The following RBM26 variants were observed in gnomAD, a reference collection of about 807,000 sequenced individuals.
RBM26 encodes RNA binding motif protein 26.
A neutral mutation model predicts 123.6 loss-of-function variants in RBM26; 30 were observed. The ratio of observed to expected loss-of-function variants is 0.24; its 90% CI spans 0.18 to 0.33. The LOEUF (loss-of-function observed/expected upper bound fraction) is 0.33, where lower values mean the gene tolerates loss of function less well. Ranked by LOEUF, RBM26 falls within the 10% of genes least tolerant of loss-of-function variation. RBM26 has a pLI of 1.00. For synonymous variants in RBM26, 400 were observed against 404.4 expected, an observed-to-expected ratio of 0.99 and a Z score of 0.13; for missense variants, 947 against 1,203.6, an observed-to-expected ratio of 0.79 and a Z score of 3.15.
intron 20 of RBM26, among the ~76,000 whole-genome samples, chr13:79,326,757 A>AC (rs1353225279): frequency 6.6e-6 from 1 of 152,176 alleles, no homozygotes; most frequent in African/African-American, 2.4e-5. Flanking sequence ...CTTTCCAATG[A>AC]CAGGTAATAG....
intron 1 of RBM26, among the ~76,000 whole-genome samples, chr13:79,381,783 T>C (rs897871666): frequency 1.3e-5 from 2 of 152,058 alleles, no homozygotes; most frequent in African/African-American, 4.8e-5. Flanking sequence ...CAACATCTTC[T>C]GTAGAAGCAA....
chr13:79,325,259 G>C (rs981606967), intron 20 of RBM26, among the ~76,000 whole-genome samples: 1 of 151,872 alleles, frequency 6.6e-6, no homozygotes, highest in African/African-American at 2.4e-5. Context: ...TTTTTTTTAA[G>C]TTAATTATAA....
At chr13:79,404,648 C>CTCTT (rs1259114705) in intron 1 of RBM26, among the ~76,000 whole-genome samples, 2 of 152,154 alleles carry the variant, frequency 1.3e-5, no homozygotes, top group African/African-American at 2.4e-5. Context: ...CTTTCATTTG[C>CTCTT]TCTTCCTTTT....
At position 79,377,475 on chromosome 13, in the gene RBM26, A is replaced by G. The variant is rs2076745783; in HGVS notation, c.231T>C (p.Asn77=). 3 of 1,612,776 alleles carry G rather than the reference A, an allele frequency of 1.9e-6. No homozygotes were observed. Among genetic ancestry groups the G allele is most frequent in the East Asian group, 2.2e-5 (1 of 44,860 alleles). ...CTGGAGGAGGTAGGTAACTCTTTGTATTCACAGCATCAAAAAGTTTTTCCA... is the reference window on the plus strand; with the variant it reads ...CTGGAGGAGGTAGGTAACTCTTTGTGTTCACAGCATCAAAAAGTTTTTCCA... ...IFVEKLFDAV[N]TKSYLPPPEQ... The change falls in exon 3 of 22, where the codon AAT becomes AAC. Residue 77 remains asparagine, a synonymous_variant. Coordinates refer to ENST00000438737, the MANE Select transcript of RBM26 (RefSeq NM_001366735.2).
intron 18 of RBM26, among the ~76,000 whole-genome samples, chr13:79,339,203 T>G (rs575409079): frequency 4.8e-4 from 73 of 152,272 alleles, no homozygotes; most frequent in African/African-American, 1.7e-3. Flanking sequence ...ACATGGAATC[T>G]AAAACAATCA....
In RBM26 at chr13:79,327,905, A is replaced by G. The variant is rs377046666; in HGVS notation, c.2821-5443T>C. On this transcript the variant is annotated intron_variant, in intron 20 of 21. Coordinates refer to ENST00000438737, the MANE Select transcript of RBM26 (RefSeq NM_001366735.2). ...GCAATATACTCATTAACAAACGTGCATGTGTACTCCCTGAATCTAAAAATT... is the reference window on the plus strand; with the variant it reads ...GCAATATACTCATTAACAAACGTGCGTGTGTACTCCCTGAATCTAAAAATT... Among the ~76,000 whole-genome samples, 49 of 152,224 alleles carry G rather than the reference A, an allele frequency of 3.2e-4. 1 individual carries two copies. The highest frequency in any genetic ancestry group is 1.3e-3 in the Admixed American group (20 of 15,274).
At chr13:79,395,082 T>C (rs1354938151) in intron 1 of RBM26, among the ~76,000 whole-genome samples, 5 of 152,210 alleles carry the variant, frequency 3.3e-5, no homozygotes, top group Admixed American at 1.3e-4. Flanking sequence ...AAAAAAGGCA[T>C]GCCCCCTTAC....
chr13:79,334,230 C>T, intron 20 of RBM26, 114 bp downstream of exon 20: 1 of 589,834 alleles, frequency 1.7e-6, no homozygotes, highest in African/African-American at 2.0e-5. Flanking sequence ...AGGTGTTCTA[C>T]CTATTGTCAA....
At chr13:79,348,767 G>A (rs999858930) in intron 14 of RBM26, among the ~76,000 whole-genome samples, 2 of 152,132 alleles carry the variant, frequency 1.3e-5, no homozygotes, top group African/African-American at 2.4e-5. Context: ...ACAGATGTGC[G>A]TTCTGTATCA....
intron 17 of RBM26, among the ~76,000 whole-genome samples, chr13:79,342,218 T>C (rs2071510337): frequency 6.6e-6 from 1 of 151,838 alleles, no homozygotes. Context: ...TGTATAACCC[T>C]GTTTTTTTCT....
At chr13:79,317,076 TCTA>T (rs2067217443), downstream of RBM26, among the ~76,000 whole-genome samples, 1 of 151,738 alleles carries the variant, frequency 6.6e-6, no homozygotes, top group East Asian at 1.9e-4. Flanking sequence ...AGCAAGTACT[TCTA>T]CTTTAAAACT....
chr13:79,378,006 A>G (rs2076787632), intron 2 of RBM26, among the ~76,000 whole-genome samples: 1 of 152,114 alleles, frequency 6.6e-6, no homozygotes, highest in South Asian at 2.1e-4. Flanking sequence ...ACAAGTCCTG[A>G]GGCAATACTG....
At chr13:79,371,956 T>A (rs1594441954) in intron 3 of RBM26, 26 bp from the exon 4 acceptor site, 2 of 1,464,250 alleles carry the variant, frequency 1.4e-6, no homozygotes, top group Non-Finnish European at 1.9e-6. Flanking sequence ...AAAAAAAGTG[T>A]ACAAGTTTAG....
chr13:79,375,072 T>A (rs2076524819), intron 3 of RBM26, among the ~76,000 whole-genome samples: 4 of 122,850 alleles, frequency 3.3e-5, no homozygotes, highest in Admixed American at 8.5e-5. Flanking sequence ...TTTATATATT[T>A]ATATGATATA....
chr13:79,322,136 T>C (rs1327680781), intron 21 of RBM26, among the ~76,000 whole-genome samples: 1 of 151,486 alleles, frequency 6.6e-6, no homozygotes, highest in Non-Finnish European at 1.5e-5. Flanking sequence ...AGTATATATA[T>C]ATGATTTTCA....
intron 1 of RBM26, chr13:79,389,486 G>C (rs1594663967): frequency 6.6e-6 from 1 of 152,232 alleles, no homozygotes; most frequent in East Asian, 1.9e-4. Context: ...GAAAGCCAAA[G>C]AAAAAAGCAA....
At chr13:79,362,921 A>G (rs1461307360) in intron 9 of RBM26, among the ~76,000 whole-genome samples, 1 of 152,188 alleles carries the variant, frequency 6.6e-6, no homozygotes, top group African/African-American at 2.4e-5. Context: ...CTAATATTAA[A>G]TAGTTTTATG....
chr13:79,398,060 A>G (rs1393846633), intron 1 of RBM26, among the ~76,000 whole-genome samples: 1 of 152,236 alleles, frequency 6.6e-6, no homozygotes, highest in African/African-American at 2.4e-5. Context: ...ACTTTTACCT[A>G]TTTCAAAGTT....
intron 11 of RBM26, among the ~76,000 whole-genome samples, chr13:79,355,897 T>C (rs1299808989): frequency 6.6e-6 from 1 of 152,202 alleles, no homozygotes; most frequent in Admixed American, 6.5e-5. Context: ...TCAATCACAT[T>C]TGATACATGA....
Sources: gnomAD v4.1 joint callset for allele counts (sites outside exome capture counted in the v4.1 genomes callset) on GRCh38, gnomAD v4.1.1 for gene constraint, MANE v1.5 for transcripts, NCBI Gene and HGNC (gene_info 2026-07-23, HGNC 2026-07-21) for gene names.